RASGRF1: variants seen among roughly 807,000 people sequenced by gnomAD.
The protein encoded by RASGRF1 is ras-specific guanine nucleotide-releasing factor 1.
In RASGRF1, 40 loss-of-function variants were observed where a neutral mutation model predicts 138.7. That is an observed-to-expected ratio of 0.29 (90% CI 0.22 to 0.38). The LOEUF is 0.38. Ranked by LOEUF, RASGRF1 falls within the 10% of genes least tolerant of loss-of-function variation. The pLI, the probability that RASGRF1 is intolerant of heterozygous loss-of-function variation, is 1.00. For missense variants in RASGRF1, 1,108 were observed against 1,650.4 expected, an observed-to-expected ratio of 0.67 and a Z score of 5.69; for synonymous variants, 614 against 663.2, an observed-to-expected ratio of 0.93 and a Z score of 1.14.
At chr15:79,060,632 A>G (rs537895578) in intron 2 of RASGRF1, among the ~76,000 whole-genome samples, 1 of 152,352 alleles carries the variant, frequency 6.6e-6, no homozygotes, top group East Asian at 1.9e-4. Context: ...CTGGGTTATC[A>G]TAAGCACATG....
At chr15:79,035,345 C>T (rs1567555160) in intron 5 of RASGRF1, 135 bp from the exon 6 acceptor site, 6 of 637,758 alleles carry the variant, frequency 9.4e-6, no homozygotes, top group African/African-American at 1.8e-5. Context: ...AAAACTGCAC[C>T]GGCAGGATGG....
intron 5 of RASGRF1, among the ~76,000 whole-genome samples, chr15:79,037,486 T>G (rs527843914): frequency 6.6e-6 from 1 of 151,922 alleles, no homozygotes; most frequent in South Asian, 2.1e-4. Context: ...TGAGGTGGAG[T>G]CTTGCTCTGT....
Position 79,043,403 on chromosome 15 carries a change from C to T in RASGRF1, c.878+3343G>A, listed in dbSNP as rs1290237476. On this transcript the variant is annotated intron_variant, in intron 5 of 26. Transcript: ENST00000558480. ...TGTTATATTTGATTTTGATTTCTTGCAGGGTGCATTATTATGGAGCACCTG... is the reference window on the plus strand; with the variant it reads ...TGTTATATTTGATTTTGATTTCTTGTAGGGTGCATTATTATGGAGCACCTG... Among the ~76,000 whole-genome samples the T allele has an allele frequency of 2.6e-5, 4 of 152,144 alleles. No individual in the cohort carries two copies. The East Asian group carries it at 7.7e-4, about 29-fold the overall frequency.
chr15:79,036,996 A>T (rs1411074160), intron 5 of RASGRF1, among the ~76,000 whole-genome samples: 1 of 151,814 alleles, frequency 6.6e-6, no homozygotes, highest in African/African-American at 2.4e-5. Flanking sequence ...AGTATTGTGA[A>T]TTGTCTATCA....
intron 1 of RASGRF1, among the ~76,000 whole-genome samples, chr15:79,076,297 A>T (rs376766234): frequency 8.3e-6 from 1 of 120,246 alleles, no homozygotes; most frequent in Non-Finnish European, 1.8e-5. Flanking sequence ...GTGGGTGGGG[A>T]GGGGAGGGGA....
At chr15:79,015,585 C>G (rs569200688) in intron 12 of RASGRF1, among the ~76,000 whole-genome samples, 176 bp from the exon 13 acceptor site, 1 of 152,146 alleles carries the variant, frequency 6.6e-6, no homozygotes, top group Admixed American at 6.5e-5. Flanking sequence ...AGACTTTGGC[C>G]GGAAGTCAAG....
At position 79,049,595 on chromosome 15, in the gene RASGRF1, C is replaced by T. The variant is rs768536317; in HGVS notation, c.532-7G>A. The T allele has an allele frequency of 3.7e-6, 6 of 1,610,788 alleles. No individual in the cohort carries two copies. The highest frequency in any genetic ancestry group is 2.2e-5 in the East Asian group (1 of 44,682). The stretch of plus-strand genomic sequence containing the variant: ...CCTTGAGCAGGGATGTGATCTGCAA[C>T]AGCAACACAGGTCAGCCTGTGAGGG... On this transcript the variant is annotated splice_polypyrimidine_tract_variant and splice_region_variant and intron_variant, in intron 3 of 26. Coordinates refer to ENST00000558480, the MANE Select transcript of RASGRF1 (RefSeq NM_001145648.3).
intron 26 of RASGRF1, among the ~76,000 whole-genome samples, chr15:78,970,621 C>CAAAAAAAAAA (rs55689628): frequency 5.0e-4 from 29 of 57,882 alleles, no homozygotes; most frequent in East Asian, 8.3e-4. Flanking sequence ...GACTCTGTCT[C>CAAAAAAAAAA]AAAAAAAAAA....
chr15:79,013,355 A>C (rs2056829145), intron 13 of RASGRF1, among the ~76,000 whole-genome samples: 1 of 152,228 alleles, frequency 6.6e-6, no homozygotes, highest in South Asian at 2.1e-4. Flanking sequence ...ATAATTCCTT[A>C]TCAACTTGTG....
chr15:79,046,164 C>T lies in RASGRF1; in HGVS notation c.878+582G>A, dbSNP rs747430620. ...ACTTCTTTGTAAGACATGTGGGTAGCGTGGTCCACAGCAGAACTCTAAGGC... is the reference window on the plus strand; with the variant it reads ...ACTTCTTTGTAAGACATGTGGGTAGTGTGGTCCACAGCAGAACTCTAAGGC... On this transcript the variant is annotated intron_variant, in intron 5 of 26. Transcript: ENST00000558480. This position sits in a 1 kb window ranked among gnomAD's most constrained non-coding sequence, Gnocchi z 5.3. Among the ~76,000 whole-genome samples the T allele has an allele frequency of 3.3e-5, 5 of 152,132 alleles. No homozygotes were observed. The highest frequency in any genetic ancestry group is 4.8e-5 in the African/African-American group (2 of 41,428).
chr15:78,987,532 C>T (rs961842504), intron 22 of RASGRF1, among the ~76,000 whole-genome samples: 1 of 152,000 alleles, frequency 6.6e-6, no homozygotes, highest in Non-Finnish European at 1.5e-5. Context: ...CCTGTCTCTA[C>T]TAAAAATACA....
intron 10 of RASGRF1, among the ~76,000 whole-genome samples, chr15:79,021,193 G>A (rs1394430759): frequency 6.6e-6 from 1 of 152,234 alleles, no homozygotes; most frequent in African/African-American, 2.4e-5. Flanking sequence ...CTGACCCACA[G>A]AAATTGTGAG....
At chr15:79,054,164 A>G (rs1223694771) in intron 3 of RASGRF1, among the ~76,000 whole-genome samples, 2 of 152,230 alleles carry the variant, frequency 1.3e-5, no homozygotes, top group African/African-American at 2.4e-5. Flanking sequence ...AGGCTCTGGC[A>G]CATCACTGGA....
chr15:79,047,145 C>T (rs757750989), intron 4 of RASGRF1, 146 bp from the exon 5 acceptor site: 16 of 990,028 alleles, frequency 1.6e-5, no homozygotes, highest in Admixed American at 2.7e-5. Flanking sequence ...CAGATGTAGA[C>T]CAGGCATAGC....
rs1467751152 is a variant in RASGRF1, at chr15:79,006,046, G to A, written c.2075+140C>T. The A allele has an allele frequency of 2.2e-5, 27 of 1,250,230 alleles. No individual in the cohort carries two copies. The highest frequency in any genetic ancestry group is 2.9e-5 in the Non-Finnish European group (26 of 905,400). 77.4% of individuals were successfully genotyped at this position (1,250,230 alleles called of 1,614,324 possible). The stretch of plus-strand genomic sequence containing the variant: ...CCTGGGGAGAGGGGGCAGTGGCGGT[G>A]TGTGTCCCGCAGCACCCCAACACGT... On this transcript the variant is annotated intron_variant, in intron 14 of 26. Transcript: ENST00000558480. The surrounding 1 kb of genome is among the most constrained non-coding windows in gnomAD (Gnocchi z 4.0).
Position 79,025,341 on chromosome 15 carries a change from G to A in RASGRF1, c.1515C>T (p.Gly505=), listed in dbSNP as rs1325633067. 3 of 1,612,216 alleles carry A rather than the reference G, an allele frequency of 1.9e-6. No homozygotes were observed. The highest frequency in any genetic ancestry group is 1.7e-6 in the Non-Finnish European group (2 of 1,178,652). ...TGGTCAAGTGAAGCTTCCCTCCAGA[G>A]CCTCTGGTACAGATAATCAGATGCT... The part of the protein sequence containing the change: ...FSKHLIICTR[G]SGGKLHLTKN... The change falls in exon 10 of 27, where the codon GGC becomes GGT. Residue 505 remains glycine (G), a synonymous_variant. Coordinates refer to ENST00000558480, the MANE Select transcript of RASGRF1 (RefSeq NM_001145648.3).
chr15:79,000,343 G>A (rs775315766), intron 16 of RASGRF1, among the ~76,000 whole-genome samples: 2 of 152,172 alleles, frequency 1.3e-5, no homozygotes, highest in Admixed American at 6.5e-5. Context: ...TGATGGGCTC[G>A]TGGGCACAGT....
intron 10 of RASGRF1, among the ~76,000 whole-genome samples, chr15:79,024,062 TACACAC>T (rs1296166988): frequency 1.4e-5 from 2 of 138,876 alleles, no homozygotes; most frequent in African/African-American, 2.8e-5. Context: ...CACATACACA[TACACAC>T]ACATATACAC....
intron 19 of RASGRF1, among the ~76,000 whole-genome samples, chr15:78,997,745 A>AG: frequency 6.6e-6 from 1 of 151,910 alleles, no homozygotes; most frequent in South Asian, 2.1e-4. Flanking sequence ...TCAAAAAAAA[A>AG]AAAAAAAAAG....
Sources: allele counts gnomAD v4.1 joint callset (sites outside exome capture counted in the v4.1 genomes callset), GRCh38; gene constraint gnomAD v4.1.1; non-coding constraint Gnocchi (gnomAD v3.1); transcripts MANE v1.5; gene names NCBI Gene and HGNC (gene_info 2026-07-23, HGNC 2026-07-21).